SLA: variants seen among roughly 807,000 people sequenced by gnomAD.
SLA encodes src-like-adapter.
A neutral mutation model predicts 30.3 loss-of-function variants in SLA; 16 were observed. That is an observed-to-expected ratio of 0.53 (90% CI 0.36 to 0.80). The LOEUF is 0.80. SLA is among the 30% of genes least tolerant of loss of function. The pLI, the probability that SLA is intolerant of heterozygous loss-of-function variation, is 0.01. For missense variants in SLA, 310 were observed against 345.2 expected, an observed-to-expected ratio of 0.90 and a Z score of 0.81; for synonymous variants, 143 against 137.8, an observed-to-expected ratio of 1.04 and a Z score of -0.26.
intron 6 of SLA, 74 bp downstream of exon 6, chr8:133,047,756 G>A (rs548651469): frequency 2.6e-5 from 22 of 847,922 alleles, no homozygotes; most frequent in African/African-American, 1.3e-4. Context: ...AAATGAAGCC[G>A]TGTAATGAGT....
intron 7 of SLA, 108 bp from the exon 8 acceptor site, chr8:133,040,238 G>A (rs1266643402): frequency 2.3e-5 from 29 of 1,243,896 alleles, no homozygotes; most frequent in Non-Finnish European, 3.0e-5. Context: ...GCTGCCATGG[G>A]GAACTGGGCC....
intron 1 of SLA, among the ~76,000 whole-genome samples, chr8:133,090,571 CGAG>C (rs979691659): frequency 2.0e-5 from 3 of 152,194 alleles, no homozygotes; most frequent in Non-Finnish European, 4.4e-5. Flanking sequence ...TAGGTTGTAA[CGAG>C]GAGTTTCATC....
At chr8:133,063,144 A>G (rs1842615197) in intron 2 of SLA, among the ~76,000 whole-genome samples, 1 of 151,136 alleles carries the variant, frequency 6.6e-6, no homozygotes, top group South Asian at 2.1e-4. Context: ...AGACACAGCA[A>G]ACTGTCCCAA....
chr8:133,095,556 C>G lies in SLA; in HGVS notation c.-319+6997G>C, dbSNP rs573248581. On this transcript the variant is annotated intron_variant, in intron 1 of 8. Coordinates refer to ENST00000338087, the MANE Select transcript of SLA (RefSeq NM_001045556.3). ...GACCGTGGTGGGCAGGGGACCAAAC[C>G]CTTAACAGGTCACAGCTAGATGTGT... Among the ~76,000 whole-genome samples, 20 of 152,286 alleles carry G rather than the reference C, an allele frequency of 1.3e-4. 1 individual carries two copies. Among genetic ancestry groups the G allele is most frequent in the South Asian group, 1.0e-3 (5 of 4,830 alleles).
At chr8:133,072,028 G>A (rs17702000) in intron 2 of SLA, among the ~76,000 whole-genome samples, 29,604 of 152,078 alleles carry the variant, frequency 0.19, 3,193 homozygotes, top group Non-Finnish European at 0.24. Context: ...AGCCTGGACC[G>A]TCTGAGGTAG....
In SLA at chr8:133,038,158, G is replaced by T. The variant is rs373730957; in HGVS notation, c.*366C>A. ...AGAAGTTCTCTCCAATGACCTTGGA[G>T]TGTAACTGTCTGGACAGGTCCAGTT... On this transcript the variant is annotated 3_prime_UTR_variant, in exon 9 of 9. Coordinates refer to ENST00000338087, the MANE Select transcript of SLA (RefSeq NM_001045556.3). 8.7e-4 allele frequency: 216 copies of T among 248,592 alleles called. 1 individual carries two copies. Among genetic ancestry groups the T allele is most frequent in the African/African-American group, 4.0e-3 (175 of 43,910 alleles). 15.4% of individuals were successfully genotyped at this position (248,592 alleles called of 1,614,324 possible). A position where few individuals can be genotyped will look rare whatever the true frequency, so the allele number is the denominator to read the frequency against.
rs185804028 is a variant in SLA, at chr8:133,067,257, C to T, written c.-40-7057G>A. ...GACCCACATAGTCCCCTGCTCTCCT[C>T]TAGGGCAGGTGCAGCCGCAGGCCTG... is the stretch of plus-strand genomic sequence containing the variant. On this transcript the variant is annotated intron_variant, in intron 2 of 8. Coordinates refer to ENST00000338087, the MANE Select transcript of SLA (RefSeq NM_001045556.3). Among the ~76,000 whole-genome samples the T allele has an allele frequency of 2.5e-3, 384 of 152,246 alleles. 3 individuals carry two copies. Among genetic ancestry groups the T allele is most frequent in the African/African-American group, 8.8e-3 (364 of 41,540 alleles).
chr8:133,039,911 C>G (rs2131069615), intron 8 of SLA, 87 bp downstream of exon 8: 1 of 1,501,132 alleles, frequency 6.7e-7, no homozygotes, highest in Admixed American at 2.0e-5. Flanking sequence ...GTGCTCGGCA[C>G]ACACACCGTT....
intron 4 of SLA, chr8:133,050,232 C>G (rs1840150748): frequency 1.9e-6 from 1 of 526,520 alleles, no homozygotes; most frequent in Non-Finnish European, 3.4e-6. Context: ...GAAATAGCTG[C>G]TTTTCAGGGA....
Position 133,053,163 on chromosome 8 carries a change from C to A in SLA, c.62-2248G>T, listed in dbSNP as rs138348069. On this transcript the variant is annotated intron_variant, in intron 3 of 8. Coordinates refer to ENST00000338087, the MANE Select transcript of SLA (RefSeq NM_001045556.3). ...TTTGTCAACTCTAAACTCACCTCTG[C>A]AGAGGCTCCAGAGGAGGCTCAGCCT... Among the ~76,000 whole-genome samples the A allele has an allele frequency of 6.4e-3, 980 of 152,302 alleles. 15 individuals carry two copies. The highest frequency in any genetic ancestry group is 0.023 in the African/African-American group (946 of 41,550).
At chr8:133,066,187 G>A (rs977342636) in intron 2 of SLA, among the ~76,000 whole-genome samples, 3 of 152,024 alleles carry the variant, frequency 2.0e-5, no homozygotes, top group South Asian at 2.1e-4. Context: ...TTAGCCGGGC[G>A]TGGTGGCAGG....
chr8:133,038,393 C>T lies in SLA; in HGVS notation c.*131G>A. 1.4e-6 allele frequency: 1 copy of T among 713,202 alleles called. No individual in the cohort carries two copies. Among genetic ancestry groups the T allele is most frequent in the Non-Finnish European group, 2.5e-6 (1 of 403,006 alleles). The allele number at this position is 713,202 out of a possible 1,614,324, so 44.2% of individuals were successfully genotyped here. On this transcript the variant is annotated 3_prime_UTR_variant, in exon 9 of 9. Transcript: ENST00000338087. ...TAGAGAAGATGCGAATTTGAGTCTC[C>T]ATGTGGCTTCTCTTGGCTTCTAAAA...
intron 1 of SLA, among the ~76,000 whole-genome samples, chr8:133,085,277 C>T (rs992969031): frequency 2.0e-5 from 3 of 152,160 alleles, no homozygotes; most frequent in Non-Finnish European, 4.4e-5. Context: ...AGGCAGAACT[C>T]GTGGACCTTG....
At chr8:133,095,198 C>A in intron 1 of SLA, 1 of 1,614,206 alleles carries the variant, frequency 6.2e-7, no homozygotes, top group Non-Finnish European at 8.5e-7. Context: ...CTCAATGATG[C>A]CCAGACCAAG....
rs781746640 is a variant in SLA, at chr8:133,096,343, C to T, written c.-319+6210G>A. ...TGCTCATTGGGAGTTCTCAGGACGA[C>T]GGGCTCATCAACAGAGCAAAGGCTG... On this transcript the variant is annotated intron_variant, in intron 1 of 8. Coordinates refer to ENST00000338087, the MANE Select transcript of SLA (RefSeq NM_001045556.3). 39 of 1,614,040 alleles carry T rather than the reference C, an allele frequency of 2.4e-5. No homozygotes were observed. Among genetic ancestry groups the T allele is most frequent in the South Asian group, 3.3e-5 (3 of 91,084 alleles).
intron 2 of SLA, chr8:133,060,505 T>C: frequency 1.4e-6 from 1 of 734,650 alleles, no homozygotes; most frequent in Non-Finnish European, 2.1e-6. Context: ...AGGGTTTGTG[T>C]GAGAAACCAA....
At chr8:133,039,412 C>T (rs1021450198) in intron 8 of SLA, among the ~76,000 whole-genome samples, 6 of 152,112 alleles carry the variant, frequency 3.9e-5, no homozygotes, top group Admixed American at 2.0e-4. Context: ...CTTCATGTCT[C>T]GCATAATTTT....
At chr8:133,089,489 T>C (rs1008905592) in intron 1 of SLA, among the ~76,000 whole-genome samples, 2 of 152,200 alleles carry the variant, frequency 1.3e-5, no homozygotes, top group Admixed American at 6.5e-5. Flanking sequence ...GGATTCCTCA[T>C]TGCCCGTTGC....
intron 2 of SLA, among the ~76,000 whole-genome samples, chr8:133,062,425 C>T (rs1351018163): frequency 2.0e-5 from 3 of 152,260 alleles, no homozygotes; most frequent in Non-Finnish European, 4.4e-5. Context: ...GGTGGCGTGA[C>T]TCCAACCCAC....
Sources: allele counts gnomAD v4.1 joint callset (sites outside exome capture counted in the v4.1 genomes callset), GRCh38; gene constraint gnomAD v4.1.1; transcripts MANE v1.5; gene names NCBI Gene and HGNC (gene_info 2026-07-23, HGNC 2026-07-21).